MYO3B: variants seen among roughly 807,000 people sequenced by gnomAD.
MYO3B encodes the protein myosin IIIB, also known as myosin-IIIb.
A neutral mutation model predicts 174.6 loss-of-function variants in MYO3B; 156 were observed. The observed-to-expected ratio is 0.89, with a 90% CI of 0.78 to 1.02. The LOEUF is 1.02. Ranked by LOEUF, MYO3B falls within the 50% of genes least tolerant of loss-of-function variation. The pLI is 0.00. For missense variants in MYO3B, 1,632 were observed against 1,639.4 expected (o/e 1.00, Z 0.08); for synonymous variants, 563 against 569.1 (o/e 0.99, Z 0.15).
At chr2:170,487,259 C>T (rs966994558) in intron 25 of MYO3B, among the ~76,000 whole-genome samples, 1 of 152,210 alleles carries the variant, frequency 6.6e-6, no homozygotes, top group Non-Finnish European at 1.5e-5. Flanking sequence ...CCAAAATATA[C>T]CCCTAAAGTA....
At chr2:170,363,085 A>G (rs546371406) in intron 8 of MYO3B, among the ~76,000 whole-genome samples, 8 of 152,204 alleles carry the variant, frequency 5.3e-5, no homozygotes, top group Admixed American at 2.6e-4. Context: ...ACAGTGAATC[A>G]CACGGCAGGG....
intron 9 of MYO3B, among the ~76,000 whole-genome samples, chr2:170,377,024 C>G (rs1194087348): frequency 6.6e-6 from 1 of 152,116 alleles, no homozygotes; most frequent in Non-Finnish European, 1.5e-5. Context: ...CTGTTTGTAC[C>G]TACCTACATG....
intron 22 of MYO3B, among the ~76,000 whole-genome samples, chr2:170,427,131 G>A (rs1450096189): frequency 6.6e-6 from 1 of 152,146 alleles, no homozygotes; most frequent in African/African-American, 2.4e-5. Flanking sequence ...TAGCATATTT[G>A]CATTGAGTTT....
rs924475185 is a variant in MYO3B, at chr2:170,338,839, G to C, written c.815+3389G>C. Among the ~76,000 whole-genome samples the C allele has an allele frequency of 1.3e-4, 20 of 152,116 alleles. 1 individual carries two copies. Among genetic ancestry groups the C allele is most frequent in the African/African-American group, 4.3e-4 (18 of 41,418 alleles). ...GTTAGTCTCGAACTCCTGACCTCAA[G>C]TGATCTGCCCACCTCAGCCTCCCAA... On this transcript the variant is annotated intron_variant, in intron 8 of 34. Transcript: ENST00000408978.
At chr2:170,409,170 C>T (rs2094529824) in intron 22 of MYO3B, among the ~76,000 whole-genome samples, 1 of 152,238 alleles carries the variant, frequency 6.6e-6, no homozygotes, top group South Asian at 2.1e-4. Flanking sequence ...CTGTTCACAA[C>T]TTCGGAATTT....
intron 6 of MYO3B, among the ~76,000 whole-genome samples, chr2:170,220,701 A>T (rs1390075884): frequency 6.6e-6 from 1 of 150,916 alleles, no homozygotes; most frequent in Non-Finnish European, 1.5e-5. Context: ...TTTTGCTCAG[A>T]TTCCCTGGAA....
chr2:170,234,936 T>C (rs1042009739), intron 6 of MYO3B, among the ~76,000 whole-genome samples: 1 of 152,222 alleles, frequency 6.6e-6, no homozygotes, highest in African/African-American at 2.4e-5. Flanking sequence ...TAATCTATCC[T>C]CTGCACAGTA....
intron 25 of MYO3B, among the ~76,000 whole-genome samples, chr2:170,482,437 G>C (rs1685756531): frequency 6.6e-6 from 1 of 152,222 alleles, no homozygotes; most frequent in South Asian, 2.1e-4. Context: ...TTACAGGCAT[G>C]AGCCACAGTG....
At chr2:170,391,244 A>G (rs1335599825) in intron 14 of MYO3B, among the ~76,000 whole-genome samples, 1 of 152,164 alleles carries the variant, frequency 6.6e-6, no homozygotes, top group African/African-American at 2.4e-5. Context: ...TTGGGCTGCA[A>G]TAGAAAGAGC....
chr2:170,465,274 G>T (rs1322173997), intron 24 of MYO3B, among the ~76,000 whole-genome samples: 1 of 152,084 alleles, frequency 6.6e-6, no homozygotes, highest in East Asian at 1.9e-4. Flanking sequence ...TGAGGCCTCG[G>T]GGAGCTTTTA....
intron 25 of MYO3B, among the ~76,000 whole-genome samples, chr2:170,486,731 G>A (rs535857528): frequency 3.9e-5 from 6 of 152,248 alleles, no homozygotes; most frequent in East Asian, 3.9e-4. Context: ...ATCAACTAGC[G>A]TCCCATTGAA....
intron 30 of MYO3B, among the ~76,000 whole-genome samples, chr2:170,522,120 T>G (rs1688705025): frequency 1.3e-5 from 2 of 152,118 alleles, no homozygotes; most frequent in African/African-American, 4.8e-5. Flanking sequence ...AGTCTTAGAT[T>G]CTCTCCTTTC....
chr2:170,195,022 C>T (rs1373340151), intron 1 of MYO3B, among the ~76,000 whole-genome samples: 1 of 151,984 alleles, frequency 6.6e-6, no homozygotes, highest in Admixed American at 6.6e-5. Flanking sequence ...TTATCCTAGC[C>T]GCTCTGGCAA....
intron 5 of MYO3B, 52 bp from the exon 6 acceptor site, chr2:170,217,267 G>C (rs1275232798): frequency 1.2e-5 from 18 of 1,519,292 alleles, no homozygotes; most frequent in Non-Finnish European, 1.6e-5. Flanking sequence ...CCGATTGCTG[G>C]TCTAGCATCA....
intron 12 of MYO3B, among the ~76,000 whole-genome samples, chr2:170,384,955 T>C (rs2094362989): frequency 6.6e-6 from 1 of 152,172 alleles, no homozygotes; most frequent in Admixed American, 6.5e-5. Context: ...CCCAGCCGAA[T>C]ACCAGTCCAG....
intron 6 of MYO3B, among the ~76,000 whole-genome samples, chr2:170,235,217 C>T (rs1451543106): frequency 6.6e-6 from 1 of 152,208 alleles, no homozygotes; most frequent in African/African-American, 2.4e-5. Context: ...TCCTGGTCCT[C>T]CACATCCTCT....
intron 32 of MYO3B, among the ~76,000 whole-genome samples, chr2:170,547,582 C>T (rs972815530): frequency 5.3e-5 from 8 of 152,108 alleles, no homozygotes; most frequent in African/African-American, 1.4e-4. Flanking sequence ...TAATTATTAA[C>T]GCTATGTGCC....
intron 32 of MYO3B, among the ~76,000 whole-genome samples, chr2:170,635,383 G>A (rs575402070): frequency 6.6e-6 from 1 of 152,106 alleles, no homozygotes; most frequent in South Asian, 2.1e-4. Context: ...AACACTGCGT[G>A]TTCTCACTCA....
At chr2:170,342,186 A>T (rs2093981053) in intron 8 of MYO3B, 1 of 152,188 alleles carries the variant, frequency 6.6e-6, no homozygotes, top group South Asian at 2.1e-4. Flanking sequence ...CATATGTCAT[A>T]GATTTTATGT....
Sources: gnomAD v4.1 joint callset for allele counts (sites outside exome capture counted in the v4.1 genomes callset) on GRCh38, gnomAD v4.1.1 for gene constraint, MANE v1.5 for transcripts, NCBI Gene and HGNC (gene_info 2026-07-23, HGNC 2026-07-21) for gene names.